FAS: variants seen among roughly 807,000 people sequenced by gnomAD.
FAS encodes the protein tumor necrosis factor receptor superfamily member 6.
FAS carries 5 observed loss-of-function variants against 33.2 expected under a neutral mutation model. The observed-to-expected ratio is 0.15, with a 90% CI of 0.08 to 0.32. The LOEUF (loss-of-function observed/expected upper bound fraction) is 0.32, where lower values mean the gene tolerates loss of function less well. Ranked by LOEUF, FAS falls within the 10% of genes least tolerant of loss-of-function variation. The probability of loss-of-function intolerance (pLI) is 1.00; values close to 1 mark genes in which losing one functional copy is unlikely to be tolerated. For synonymous variants in FAS, 131 were observed against 130.7 expected (o/e 1.00, Z -0.01); for missense variants, 339 against 386.0 (o/e 0.88, Z 1.02).
intron 1 of FAS, among the ~76,000 whole-genome samples, chr10:88,967,563 G>A (rs1846341820): frequency 6.6e-6 from 1 of 152,104 alleles, no homozygotes; most frequent in African/African-American, 2.4e-5. Flanking sequence ...CGTTACCTAA[G>A]CCCAAATTAT....
chr10:88,981,709 C>T (rs947727387), intron 2 of FAS, among the ~76,000 whole-genome samples: 1 of 152,066 alleles, frequency 6.6e-6, no homozygotes, highest in Non-Finnish European at 1.5e-5. Context: ...ATGGGGGAAA[C>T]GGTAGATAAA....
At chr10:89,010,635 C>G in intron 5 of FAS, 35 bp downstream of exon 5, 1 of 1,609,112 alleles carries the variant, frequency 6.2e-7, no homozygotes, top group Non-Finnish European at 8.5e-7. Context: ...TCTCCTTTCC[C>G]CCAACCCCAT....
intron 1 of FAS, among the ~76,000 whole-genome samples, chr10:88,966,744 A>G (rs1465260548): frequency 6.6e-6 from 1 of 152,180 alleles, no homozygotes; most frequent in African/African-American, 2.4e-5. Context: ...ACCACTTTTC[A>G]GGGCTCCTGA....
intron 1 of FAS, among the ~76,000 whole-genome samples, chr10:88,968,958 TG>T (rs780958308): frequency 6.6e-6 from 1 of 152,102 alleles, no homozygotes; most frequent in Non-Finnish European, 1.5e-5. Context: ...TTACATTATT[TG>T]ATGTCTCCCC....
At chr10:88,995,820 C>T (rs1414592541) in intron 1 of FAS, among the ~76,000 whole-genome samples, 3 of 149,798 alleles carry the variant, frequency 2.0e-5, no homozygotes, top group Non-Finnish European at 4.5e-5. Context: ...AGTGAGACTC[C>T]GTCTACAAAG....
At chr10:88,974,936 T>C (rs900372266) in intron 2 of FAS, 9 of 152,348 alleles carry the variant, frequency 5.9e-5, no homozygotes, top group African/African-American at 2.2e-4. Context: ...TGCTGGCTTG[T>C]GACTCTGGGC....
chr10:88,999,032 A>T (rs1283662166), intron 1 of FAS, among the ~76,000 whole-genome samples: 3 of 152,114 alleles, frequency 2.0e-5, no homozygotes, highest in Non-Finnish European at 4.4e-5. Context: ...GCACATCTGT[A>T]GTCCCAGCTA....
intron 1 of FAS, among the ~76,000 whole-genome samples, chr10:88,999,325 C>T (rs948297814): frequency 2.0e-5 from 3 of 152,102 alleles, no homozygotes; most frequent in African/African-American, 7.2e-5. Context: ...CTATTTTCAT[C>T]AATTTATTTG....
At chr10:88,991,776 GC>G (rs1847241928) in intron 1 of FAS, 1 of 152,210 alleles carries the variant, frequency 6.6e-6, no homozygotes, top group South Asian at 2.1e-4. Context: ...ACAGAACCCG[GC>G]GCCTATTATT....
rs1050992298 is a variant in FAS, at chr10:89,007,670, C to T, written c.197-30C>T. 3.7e-6 allele frequency: 6 copies of T among 1,608,464 alleles called. No homozygotes were observed. The African/African-American group carries it at 6.7e-5, about 18-fold the overall frequency. On this transcript the variant is annotated intron_variant, in intron 2 of 8. Coordinates refer to ENST00000652046, the MANE Select transcript of FAS (RefSeq NM_000043.6). ...CCCTGTTACCTGCCCGTGTCCTGTT[C>T]AAACACTTGCTCCTTTTTTCCTTGG...
rs774281714 is a variant in FAS at position 89,015,429 on chromosome 10, G to A, written c.*979G>A. ...AGATTCTTATTTTTCCCCCACCCCC[G>A]AAAATGTTCAATAATGTCCCATGTA... On this transcript the variant is annotated 3_prime_UTR_variant, in exon 9 of 9. Transcript: ENST00000652046. 15 of 528,420 alleles carry A rather than the reference G, an allele frequency of 2.8e-5. No homozygotes were observed. The highest frequency in any genetic ancestry group is 5.6e-5 in the African/African-American group (3 of 53,250). 32.7% of individuals were successfully genotyped at this position (528,420 alleles called of 1,614,324 possible).
upstream of FAS, chr10:88,989,450 T>A (rs779864987): frequency 3.7e-6 from 2 of 540,284 alleles, no homozygotes; most frequent in South Asian, 2.8e-5. Flanking sequence ...CTTATCCCAC[T>A]TCTTTTTGTG....
intron 1 of FAS, chr10:89,002,450 T>TCTCTCC (rs1432966349): frequency 6.1e-6 from 1 of 164,570 alleles, no homozygotes; most frequent in Non-Finnish European, 1.3e-5. Context: ...TAGGGGACTC[T>TCTCTCC]CTCTCTCCCT....
chr10:89,003,007 T>C, intron 1 of FAS, 22 bp from the exon 2 acceptor site: 1 of 1,613,964 alleles, frequency 6.2e-7, no homozygotes, highest in South Asian at 1.1e-5. Context: ...AATAAAATTC[T>C]CTTCATGCTT....
chr10:89,012,063 A>C lies in FAS; in HGVS notation c.633A>C (p.Glu211Asp). 6.2e-7 allele frequency: 1 copy of C among 1,613,662 alleles called. No homozygotes were observed. Among genetic ancestry groups the C allele is most frequent in the Non-Finnish European group, 8.5e-7 (1 of 1,179,572 alleles). The change falls in exon 7 of 9, where the codon GAA (glutamate) becomes GAC (aspartate). Residue 211 changes from glutamate (E) to aspartate (D), a missense_variant. By Grantham distance (45) the Glu-to-Asp change is conservative. Transcript: ENST00000652046. ...KHRKENQGSH[E>D]SPTLNPETVA... ...GAAAGGAAAACCAAGGTTCTCATGAATCTCCAACTTTAAATCCTGTAGGTA... is the reference window on the plus strand; with the variant it reads ...GAAAGGAAAACCAAGGTTCTCATGACTCTCCAACTTTAAATCCTGTAGGTA...
At chr10:88,990,721 C>G (rs575570390), upstream of FAS, 34 of 849,072 alleles carry the variant, frequency 4.0e-5, 1 homozygote, top group South Asian at 4.7e-4. The surrounding 1 kb of genome is among the most constrained non-coding windows in gnomAD (Gnocchi z 4.9). Flanking sequence ...TTACGAGTGA[C>G]TTGGCTGGAG....
chr10:89,014,752 C>A lies in FAS; in HGVS notation c.*302C>A. 1.7e-6 allele frequency: 1 copy of A among 581,384 alleles called. No individual in the cohort carries two copies. The highest frequency in any genetic ancestry group is 3.2e-6 in the Non-Finnish European group (1 of 308,810). 36.0% of individuals were successfully genotyped at this position (581,384 alleles called of 1,614,324 possible). On this transcript the variant is annotated 3_prime_UTR_variant, in exon 9 of 9. Transcript: ENST00000652046. ...ATGCTCTGGCATCTAACATATGATT[C>A]TGTAGTATGAATGTAATCAGTGTAT... is the stretch of plus-strand genomic sequence containing the variant.
chr10:89,015,079 A>G lies in FAS; in HGVS notation c.*629A>G, dbSNP rs1286129918. ...TCAATTGTGAATTCACATAGAAAAC[A>G]TTAAATTATAATGTTTGACTATTAT... On this transcript the variant is annotated 3_prime_UTR_variant, in exon 9 of 9. Coordinates refer to ENST00000652046, the MANE Select transcript of FAS (RefSeq NM_000043.6). 3 of 534,610 alleles carry G rather than the reference A, an allele frequency of 5.6e-6. No individual in the cohort carries two copies. Among genetic ancestry groups the G allele is most frequent in the South Asian group, 4.6e-5 (3 of 65,118 alleles). The allele number at this position is 534,610 out of a possible 1,614,324, so 33.1% of individuals were successfully genotyped here.
intron 2 of FAS, among the ~76,000 whole-genome samples, chr10:88,980,517 C>T (rs1195200276): frequency 2.0e-5 from 3 of 151,804 alleles, no homozygotes; most frequent in African/African-American, 7.3e-5. Flanking sequence ...ATTTGTCATC[C>T]CCAGTAATCT....
Sources: allele counts gnomAD v4.1 joint callset (sites outside exome capture counted in the v4.1 genomes callset), GRCh38; gene constraint gnomAD v4.1.1; non-coding constraint Gnocchi (gnomAD v3.1); transcripts MANE v1.5; gene names NCBI Gene and HGNC (gene_info 2026-07-23, HGNC 2026-07-21).